Variants in RNF2 observed in about 807,000 individuals in gnomAD.
The protein encoded by RNF2 is ring finger protein 2, also known as E3 ubiquitin-protein ligase RING2.
RNF2 carries 6 observed loss-of-function variants against 37.2 expected under a neutral mutation model. That is an observed-to-expected ratio of 0.16 (90% CI 0.09 to 0.32). The LOEUF (loss-of-function observed/expected upper bound fraction) is 0.32, where lower values mean the gene tolerates loss of function less well. RNF2 is among the 10% of genes least tolerant of loss of function. RNF2 has a pLI of 1.00. For missense variants in RNF2, 251 were observed against 404.0 expected (o/e 0.62, Z 3.25); for synonymous variants, 133 against 132.7 (o/e 1.00, Z -0.02).
chr1:185,096,203 A>C (rs917514004), intron 4 of RNF2, among the ~76,000 whole-genome samples: 2 of 152,020 alleles, frequency 1.3e-5, no homozygotes, highest in African/African-American at 4.8e-5. Flanking sequence ...TGTGCTATCA[A>C]TTTTTTGTCC....
At chr1:185,066,493 G>A (rs1342480739) in intron 1 of RNF2, among the ~76,000 whole-genome samples, 1 of 152,064 alleles carries the variant, frequency 6.6e-6, no homozygotes, top group Non-Finnish European at 1.5e-5. Flanking sequence ...TCTGATTTCT[G>A]CTCTCCCATT....
chr1:185,100,169 T>C (rs1652037539), intron 6 of RNF2, 31 bp from the exon 7 acceptor site: 1 of 1,504,888 alleles, frequency 6.6e-7, no homozygotes, highest in African/African-American at 1.4e-5. Context: ...TTGTGCAGTT[T>C]TCATAATTTT....
intron 2 of RNF2, among the ~76,000 whole-genome samples, chr1:185,090,611 A>G (rs530431162): frequency 6.6e-6 from 1 of 152,320 alleles, no homozygotes; most frequent in South Asian, 2.1e-4. Context: ...CATATAAAGA[A>G]AGCACAAGTA....
intron 1 of RNF2, among the ~76,000 whole-genome samples, chr1:185,076,555 G>C (rs1239570766): frequency 6.7e-6 from 1 of 150,036 alleles, no homozygotes; most frequent in East Asian, 1.9e-4. Context: ...CAAAGTGCTG[G>C]GATTACAGGG....
chr1:185,070,149 G>T (rs981499559), intron 1 of RNF2, among the ~76,000 whole-genome samples: 1 of 152,160 alleles, frequency 6.6e-6, no homozygotes, highest in African/African-American at 2.4e-5. Flanking sequence ...TAGAGAAGAT[G>T]ATATCACCTA....
rs1354262779 is a variant in RNF2 at position 185,100,421 on chromosome 1, G to C, written c.*120G>C. On this transcript the variant is annotated 3_prime_UTR_variant, in exon 7 of 7. Transcript: ENST00000367510. The stretch of plus-strand genomic sequence containing the variant: ...ATATGTTGTTCAATTTTCTTTCTGA[G>C]CCAGACTAGTTTACGCTATTCAAAT... 2 of 577,178 alleles carry C rather than the reference G, an allele frequency of 3.5e-6. No homozygotes were observed. Among genetic ancestry groups the C allele is most frequent in the Non-Finnish European group, 5.9e-6 (2 of 341,466 alleles). The allele number at this position is 577,178 out of a possible 1,614,324, so 35.8% of individuals were successfully genotyped here.
chr1:185,057,483 C>T (rs1304544584), intron 1 of RNF2, among the ~76,000 whole-genome samples: 4 of 151,934 alleles, frequency 2.6e-5, no homozygotes, highest in South Asian at 2.1e-4. Flanking sequence ...ATGATAAGCA[C>T]GTCCATTATT....
Position 185,082,345 on chromosome 1 carries a change from C to CTTTTTTTTTTTTTTTTTTTTTTTTTTTTT in RNF2, c.-2-5185_-2-5184insTTTTTTTTTTTTTTTTTTTTTTTTTTTTT, listed in dbSNP as rs3036553. On this transcript the variant is annotated intron_variant, in intron 1 of 6. Coordinates refer to ENST00000367510, the MANE Select transcript of RNF2 (RefSeq NM_007212.4). Reference sequence around the variant, plus strand: ...CAAGGTTCTTGTCTCCTCTGCAGAACTTTTTTTTTTTTTTTTTTTTTTGAA... The same window carrying CTTTTTTTTTTTTTTTTTTTTTTTTTTTTT: ...CAAGGTTCTTGTCTCCTCTGCAGAACTTTTTTTTTTTTTTTTTTTTTTTTTTTTTTTTTTTTTTTTTTTTTTTTTTTGAA... Among the ~76,000 whole-genome samples the CTTTTTTTTTTTTTTTTTTTTTTTTTTTTT allele has an allele frequency of 1.2e-3, 86 of 71,978 alleles. 13 individuals are homozygous for CTTTTTTTTTTTTTTTTTTTTTTTTTTTTT. Among genetic ancestry groups the CTTTTTTTTTTTTTTTTTTTTTTTTTTTTT allele is most frequent in the East Asian group, 2.2e-3 (4 of 1,792 alleles). 47.2% of individuals were successfully genotyped at this position (71,978 alleles called of 152,430 possible).
chr1:185,089,855 C>T (rs972222917), intron 2 of RNF2, among the ~76,000 whole-genome samples: 1 of 151,512 alleles, frequency 6.6e-6, no homozygotes, highest in South Asian at 2.1e-4. Flanking sequence ...CATGGTGAAA[C>T]CCTGTCTCTA....
At chr1:185,097,532 T>C (rs981359781) in intron 4 of RNF2, among the ~76,000 whole-genome samples, 1 of 152,256 alleles carries the variant, frequency 6.6e-6, no homozygotes, top group African/African-American at 2.4e-5. Context: ...GTCTTTTGTT[T>C]AATAAAGAAA....
intron 1 of RNF2, among the ~76,000 whole-genome samples, chr1:185,061,876 A>G (rs1650617464): frequency 6.6e-6 from 1 of 152,228 alleles, no homozygotes; most frequent in Non-Finnish European, 1.5e-5. Flanking sequence ...GCTACTTAAC[A>G]TAAAGGTTTA....
intron 1 of RNF2, among the ~76,000 whole-genome samples, chr1:185,077,703 C>CTGTTT (rs1195170776): frequency 1.6e-5 from 2 of 124,992 alleles, no homozygotes; most frequent in South Asian, 4.9e-4. Context: ...ATGAGCAAAT[C>CTGTTT]TGTTTTGTTT....
At chr1:185,077,052 T>A (rs1462820996) in intron 1 of RNF2, among the ~76,000 whole-genome samples, 1 of 152,230 alleles carries the variant, frequency 6.6e-6, no homozygotes, top group African/African-American at 2.4e-5. Context: ...AAGGATTTTA[T>A]AAATTTTGTT....
intron 1 of RNF2, among the ~76,000 whole-genome samples, chr1:185,073,835 A>G (rs1332942804): frequency 6.6e-6 from 1 of 152,084 alleles, no homozygotes; most frequent in Non-Finnish European, 1.5e-5. Flanking sequence ...CAATTCTCCA[A>G]CTCTTTAGTC....
rs549077790 is a variant in RNF2 at position 185,096,433 on chromosome 1, A to T, written c.465-1639A>T. 3.3e-5 allele frequency among the ~76,000 whole-genome samples: 5 copies of T among 152,306 alleles called. No individual in the cohort carries two copies. The East Asian group carries it at 7.7e-4, about 24-fold the overall frequency. On this transcript the variant is annotated intron_variant, in intron 4 of 6. Transcript: ENST00000367510. Reference sequence around the variant, plus strand: ...CTTATAAAATTGAAACCCTGTATCCATTAAGCACTAACTCCTCATTTCTCC... The same window carrying T: ...CTTATAAAATTGAAACCCTGTATCCTTTAAGCACTAACTCCTCATTTCTCC...
chr1:185,083,360 A>C (rs899382681), intron 1 of RNF2, among the ~76,000 whole-genome samples: 1 of 152,046 alleles, frequency 6.6e-6, no homozygotes, highest in Non-Finnish European at 1.5e-5. Context: ...TTTCCATTTT[A>C]ATTTTATTTT....
At chr1:185,069,042 T>C (rs776251384) in intron 1 of RNF2, among the ~76,000 whole-genome samples, 2 of 152,220 alleles carry the variant, frequency 1.3e-5, no homozygotes, top group African/African-American at 2.4e-5. Context: ...GCCTTCTCCC[T>C]CATAACTACT....
chr1:185,077,625 G>GGTTTTTTTTTTT (rs1553241127), intron 1 of RNF2, among the ~76,000 whole-genome samples: 1 of 115,696 alleles, frequency 8.6e-6, no homozygotes, highest in African/African-American at 3.3e-5. Context: ...AATTAACTTT[G>GGTTTTTTTTTTT]TTTTTTTTTT....
At chr1:185,097,967 C>T (rs1651959772) in intron 4 of RNF2, 105 bp from the exon 5 acceptor site, 5 of 1,190,984 alleles carry the variant, frequency 4.2e-6, no homozygotes, top group Admixed American at 4.5e-5. Flanking sequence ...ATTCAGTTAC[C>T]AGTATTTTTT....
Sources: allele counts gnomAD v4.1 joint callset (sites outside exome capture counted in the v4.1 genomes callset), GRCh38; gene constraint gnomAD v4.1.1; transcripts MANE v1.5; gene names NCBI Gene and HGNC (gene_info 2026-07-23, HGNC 2026-07-21).